The following INPP4B variants were observed in gnomAD, a reference collection of about 807,000 sequenced individuals.
The protein encoded by INPP4B is inositol polyphosphate-4-phosphatase type II B.
Under a neutral mutation model 122.5 loss-of-function variants are expected in INPP4B, and 55 were observed. The observed-to-expected ratio is 0.45, with a 90% CI of 0.36 to 0.56. INPP4B has a LOEUF of 0.56. Among genes scored for constraint, INPP4B ranks in the 20% least tolerant of loss-of-function variants. INPP4B has a pLI of 0.00. For synonymous variants in INPP4B, 403 were observed against 388.7 expected (o/e 1.04, Z -0.43); for missense variants, 1,000 against 1,097.7 (o/e 0.91, Z 1.26).
chr4:142,118,491 A>C (rs1794897707), intron 21 of INPP4B, among the ~76,000 whole-genome samples: 1 of 152,276 alleles, frequency 6.6e-6, no homozygotes, highest in Admixed American at 6.5e-5. Flanking sequence ...ATAATACCAC[A>C]CATCTACAAC....
At position 142,028,076 on chromosome 4, in the gene INPP4B, G is replaced by A. The variant is rs771282131; in HGVS notation, c.*706C>T. The A allele has an allele frequency of 4.9e-5, 11 of 223,572 alleles. No homozygotes were observed. Among genetic ancestry groups the A allele is most frequent in the South Asian group, 1.8e-4 (1 of 5,432 alleles). The allele number at this position is 223,572 out of a possible 1,614,324, so 13.8% of individuals were successfully genotyped here. A position where few individuals can be genotyped will look rare whatever the true frequency, so the allele number is the denominator to read the frequency against. On this transcript the variant is annotated 3_prime_UTR_variant, in exon 26 of 26. Coordinates refer to ENST00000262992, the MANE Select transcript of INPP4B (RefSeq NM_001101669.3). ...TGTTTTGCTTATCATTCTATTAAAC[G>A]TTCTATATTGCTACATTCACAGCTA...
At chr4:142,368,526 A>G (rs1170207526) in intron 7 of INPP4B, among the ~76,000 whole-genome samples, 3 of 152,116 alleles carry the variant, frequency 2.0e-5, no homozygotes, top group African/African-American at 7.2e-5. Context: ...TTCATAAACC[A>G]CATAATTTGA....
At position 142,028,218 on chromosome 4, in the gene INPP4B, G is replaced by A. The variant is rs1737631823; in HGVS notation, c.*564C>T. On this transcript the variant is annotated 3_prime_UTR_variant, in exon 26 of 26. Coordinates refer to ENST00000262992, the MANE Select transcript of INPP4B (RefSeq NM_001101669.3). ...CAAGGGAGGAGTCACACCTTGACTG[G>A]ATGATAGAGATCATTGTGGAACATA... 4.4e-6 allele frequency: 1 copy of A among 228,032 alleles called. No individual in the cohort carries two copies. Among genetic ancestry groups the A allele is most frequent in the African/African-American group, 2.2e-5 (1 of 45,072 alleles). 14.1% of individuals were successfully genotyped at this position (228,032 alleles called of 1,614,324 possible). A position where few individuals can be genotyped will look rare whatever the true frequency, so the allele number is the denominator to read the frequency against.
intron 2 of INPP4B, among the ~76,000 whole-genome samples, chr4:142,520,788 A>G: frequency 6.6e-6 from 1 of 151,968 alleles, no homozygotes; most frequent in East Asian, 1.9e-4. Context: ...TTCTCCTCAG[A>G]TTATTTGAAA....
intron 1 of INPP4B, among the ~76,000 whole-genome samples, chr4:142,790,648 G>GA (rs1185475644): frequency 7.3e-5 from 11 of 150,444 alleles, no homozygotes; most frequent in Non-Finnish European, 1.2e-4. Flanking sequence ...CAAACTGAAG[G>GA]AAAAAAACAA....
chr4:142,517,401 A>G (rs1825546694), intron 2 of INPP4B, among the ~76,000 whole-genome samples: 1 of 152,078 alleles, frequency 6.6e-6, no homozygotes, highest in Admixed American at 6.6e-5. Flanking sequence ...TCAGACACTT[A>G]GCCTAATTAA....
intron 5 of INPP4B, among the ~76,000 whole-genome samples, chr4:142,421,653 T>G (rs1190727160): frequency 6.6e-6 from 1 of 152,162 alleles, no homozygotes; most frequent in East Asian, 1.9e-4. Context: ...ATGCATCACC[T>G]TGGAAAATGA....
chr4:142,554,426 T>G (rs1728707028), intron 2 of INPP4B, among the ~76,000 whole-genome samples: 1 of 150,878 alleles, frequency 6.6e-6, no homozygotes, highest in Non-Finnish European at 1.5e-5. Context: ...CCATACCTAC[T>G]CTTGATCTCC....
At chr4:142,771,402 T>C (rs1169914618) in intron 1 of INPP4B, among the ~76,000 whole-genome samples, 5 of 152,130 alleles carry the variant, frequency 3.3e-5, no homozygotes, top group Admixed American at 1.3e-4. Context: ...GGCAAATGTA[T>C]GGAGAACCAA....
At chr4:142,098,095 C>T (rs2152619288) in intron 23 of INPP4B, among the ~76,000 whole-genome samples, 1 of 152,116 alleles carries the variant, frequency 6.6e-6, no homozygotes, top group African/African-American at 2.4e-5. Context: ...GAGAAAGTGA[C>T]ATTTAGGCAA....
At chr4:142,542,288 A>G (rs1333736792) in intron 2 of INPP4B, among the ~76,000 whole-genome samples, 1 of 152,162 alleles carries the variant, frequency 6.6e-6, no homozygotes, top group Non-Finnish European at 1.5e-5. Flanking sequence ...ATCCCCTTTT[A>G]TAGATACAGT....
chr4:142,613,504 T>C (rs538429541), intron 2 of INPP4B, among the ~76,000 whole-genome samples: 1 of 152,316 alleles, frequency 6.6e-6, no homozygotes, highest in African/African-American at 2.4e-5. Flanking sequence ...CTGATTATAC[T>C]GCAGTAGACT....
intron 7 of INPP4B, among the ~76,000 whole-genome samples, chr4:142,379,005 T>C (rs1261188052): frequency 6.6e-6 from 1 of 152,148 alleles, no homozygotes; most frequent in African/African-American, 2.4e-5. Context: ...AGTTAGCTCT[T>C]GTTATTCTTA....
At chr4:142,511,737 T>C (rs1824742384) in intron 2 of INPP4B, among the ~76,000 whole-genome samples, 1 of 152,090 alleles carries the variant, frequency 6.6e-6, no homozygotes, top group South Asian at 2.1e-4. Context: ...TGCAACCATT[T>C]TGAGAACCAA....
intron 2 of INPP4B, among the ~76,000 whole-genome samples, chr4:142,519,934 T>G (rs926306226): frequency 3.3e-5 from 5 of 152,236 alleles, no homozygotes; most frequent in East Asian, 3.9e-4. Context: ...GATTAAAAAC[T>G]GTTTTCAGTA....
chr4:142,461,806 A>AACACACACACACACAC (rs3076617), intron 3 of INPP4B, among the ~76,000 whole-genome samples: 14 of 150,796 alleles, frequency 9.3e-5, no homozygotes, highest in African/African-American at 3.4e-4. Flanking sequence ...TAAAAGTACA[A>AACACACACACACACAC]ACACACACAC....
At chr4:142,079,322 A>G (rs1772588373) in intron 25 of INPP4B, among the ~76,000 whole-genome samples, 1 of 151,834 alleles carries the variant, frequency 6.6e-6, no homozygotes, top group Non-Finnish European at 1.5e-5. Context: ...TAACACACCA[A>G]TCAAACATAT....
intron 25 of INPP4B, among the ~76,000 whole-genome samples, chr4:142,068,099 T>C (rs336372): frequency 0.86 from 130,504 of 152,174 alleles, 58,706 homozygotes; most frequent in Non-Finnish European, 0.98. Flanking sequence ...GGGTTACCCA[T>C]AAAGGTAAGC....
intron 1 of INPP4B, among the ~76,000 whole-genome samples, chr4:142,752,332 C>T (rs1023371019): frequency 5.3e-5 from 8 of 152,084 alleles, no homozygotes; most frequent in Non-Finnish European, 1.0e-4. Flanking sequence ...GCTGTCCTGG[C>T]AATCCTCTCC....
Sources: allele counts gnomAD v4.1 joint callset (sites outside exome capture counted in the v4.1 genomes callset), GRCh38; gene constraint gnomAD v4.1.1; transcripts MANE v1.5; gene names NCBI Gene and HGNC (gene_info 2026-07-23, HGNC 2026-07-21).